USP3: variants seen among roughly 807,000 people sequenced by gnomAD.
The protein encoded by USP3 is ubiquitin carboxyl-terminal hydrolase 3.
Under a neutral mutation model 72.3 loss-of-function variants are expected in USP3, and 20 were observed. The ratio of observed to expected loss-of-function variants is 0.28; its 90% CI spans 0.19 to 0.40. USP3 has a LOEUF of 0.40. Ranked by LOEUF, USP3 falls within the 10% of genes least tolerant of loss-of-function variation. USP3 has a pLI of 1.00. For missense variants in USP3, 479 were observed against 633.9 expected (o/e 0.76, Z 2.62); for synonymous variants, 222 against 225.3 (o/e 0.99, Z 0.13).
chr15:63,555,105 T>TA (rs2066489634), intron 4 of USP3, among the ~76,000 whole-genome samples: 1 of 152,170 alleles, frequency 6.6e-6, no homozygotes, highest in Non-Finnish European at 1.5e-5. Context: ...TTTATACAGT[T>TA]AAAAAATCTT....
chr15:63,571,467 TC>T (rs1450748885), intron 9 of USP3, among the ~76,000 whole-genome samples: 3 of 152,224 alleles, frequency 2.0e-5, no homozygotes, highest in African/African-American at 4.8e-5. Context: ...TGATTGTCCC[TC>T]TAGGTCCTAG....
chr15:63,514,532 CAG>C (rs1442598050), intron 1 of USP3, among the ~76,000 whole-genome samples: 2 of 152,126 alleles, frequency 1.3e-5, no homozygotes. Flanking sequence ...AAGAGTTTCC[CAG>C]TAAGTACAAG....
intron 11 of USP3, among the ~76,000 whole-genome samples, chr15:63,576,466 GT>G (rs1180455168): frequency 1.3e-5 from 2 of 152,100 alleles, no homozygotes; most frequent in African/African-American, 2.4e-5. Flanking sequence ...TAACATTTCA[GT>G]TACGACTTAT....
rs942188776 is a variant in USP3 at position 63,528,204 on chromosome 15, A to T, written c.92-4443A>T. On this transcript the variant is annotated intron_variant, in intron 1 of 14. Transcript: ENST00000380324. The surrounding 1 kb of genome is among the most constrained non-coding windows in gnomAD (Gnocchi z 4.3). ...AGTCAGGGTTGGAAGAATCCAAGTA[A>T]ACCGAAGAAATTTGCTGGAGGACGG... 6.6e-6 allele frequency: 1 copy of T among 152,242 alleles called. No homozygotes were observed. The highest frequency in any genetic ancestry group is 1.5e-5 in the Non-Finnish European group (1 of 68,048). 9.4% of individuals were successfully genotyped at this position (152,242 alleles called of 1,614,324 possible).
intron 3 of USP3, 71 bp downstream of exon 3, chr15:63,537,227 C>T: frequency 6.5e-7 from 1 of 1,529,082 alleles, no homozygotes; most frequent in South Asian, 1.3e-5. Context: ...TCCCTTCCCT[C>T]AGTCTCTAAG....
Position 63,588,288 on chromosome 15 carries a change from A to G in USP3, c.1097-17A>G. ...AAAGGCATCTTGTTTTAATGCTGCC[A>G]AAATCAATTTGTTTAGATTGTCTTC... On this transcript the variant is annotated splice_polypyrimidine_tract_variant and intron_variant, in intron 11 of 14. Coordinates refer to ENST00000380324, the MANE Select transcript of USP3 (RefSeq NM_006537.4). This position sits in a 1 kb window ranked among gnomAD's most constrained non-coding sequence, Gnocchi z 4.6. 1 of 1,575,490 alleles carries G rather than the reference A, an allele frequency of 6.3e-7. No individual in the cohort carries two copies. Among genetic ancestry groups the G allele is most frequent in the Middle Eastern group, 1.7e-4 (1 of 5,794 alleles).
intron 11 of USP3, among the ~76,000 whole-genome samples, chr15:63,579,030 G>T (rs2066911586): frequency 6.6e-6 from 1 of 152,034 alleles, no homozygotes; most frequent in African/African-American, 2.4e-5. Flanking sequence ...TTATAAACAT[G>T]GAGCTAAAAA....
intron 2 of USP3, among the ~76,000 whole-genome samples, chr15:63,534,210 C>T (rs967018844): frequency 6.6e-6 from 1 of 152,072 alleles, no homozygotes; most frequent in Admixed American, 6.5e-5. Flanking sequence ...TTCAGAATAG[C>T]CTGAATTTGG....
chr15:63,570,357 C>G lies in USP3; in HGVS notation c.762-76C>G. 1 of 1,599,554 alleles carries G rather than the reference C, an allele frequency of 6.3e-7. No homozygotes were observed. Among genetic ancestry groups the G allele is most frequent in the South Asian group, 1.1e-5 (1 of 89,678 alleles). On this transcript the variant is annotated intron_variant, in intron 8 of 14. Coordinates refer to ENST00000380324, the MANE Select transcript of USP3 (RefSeq NM_006537.4). The surrounding 1 kb of genome is among the most constrained non-coding windows in gnomAD (Gnocchi z 4.4). ...ACGGGGCTGCCGTCCTTTTCCACGC[C>G]TTGGCCTCTTGCTGGTGTGGCTGGG...
chr15:63,571,113 C>T (rs1489446999), intron 9 of USP3, among the ~76,000 whole-genome samples: 1 of 152,160 alleles, frequency 6.6e-6, no homozygotes, highest in Admixed American at 6.5e-5. Flanking sequence ...TTCCCATGTA[C>T]TAGCAGCCCC....
At chr15:63,573,963 C>A in intron 9 of USP3, 83 bp from the exon 10 acceptor site, 1 of 904,844 alleles carries the variant, frequency 1.1e-6, no homozygotes, top group Non-Finnish European at 1.6e-6. Context: ...TCTGTAGGGG[C>A]TTTAACAAAT....
chr15:63,529,295 C>T lies in USP3; in HGVS notation c.92-3352C>T, dbSNP rs1005431911. Reference sequence around the variant, plus strand: ...CTTTTACTTTCTCTCCTTATCATTACGTATCTGTCTGTCTAATTGATGCAC... The same window carrying T: ...CTTTTACTTTCTCTCCTTATCATTATGTATCTGTCTGTCTAATTGATGCAC... On this transcript the variant is annotated intron_variant, in intron 1 of 14. Transcript: ENST00000380324. This position sits in a 1 kb window ranked among gnomAD's most constrained non-coding sequence, Gnocchi z 4.2. The T allele has an allele frequency of 1.1e-5, 4 of 365,800 alleles. No individual in the cohort carries two copies. The highest frequency in any genetic ancestry group is 2.1e-5 in the African/African-American group (1 of 46,606). The allele number at this position is 365,800 out of a possible 1,614,324, so 22.7% of individuals were successfully genotyped here.
intron 8 of USP3, among the ~76,000 whole-genome samples, chr15:63,563,324 T>C (rs891594952): frequency 6.6e-6 from 1 of 152,242 alleles, no homozygotes; most frequent in African/African-American, 2.4e-5. Context: ...TTTCACAATG[T>C]AGAATAATTA....
intron 1 of USP3, among the ~76,000 whole-genome samples, chr15:63,506,286 T>C (rs2065711883): frequency 1.3e-5 from 2 of 152,116 alleles, no homozygotes; most frequent in Admixed American, 6.5e-5. Flanking sequence ...ACAAATTGGT[T>C]GGTGGTGGTA....
chr15:63,509,275 ATACT>A (rs1299750058), intron 1 of USP3, among the ~76,000 whole-genome samples: 1 of 152,198 alleles, frequency 6.6e-6, no homozygotes, highest in Non-Finnish European at 1.5e-5. Context: ...TAAGTGCCTA[ATACT>A]TAATAGAGCA....
chr15:63,505,466 G>C (rs11636270), intron 1 of USP3, among the ~76,000 whole-genome samples: 24,201 of 152,258 alleles, frequency 0.16, 2,080 homozygotes, highest in Admixed American at 0.2. Context: ...TTGAAAACAG[G>C]CTGCGGGCTG....
rs4984250 is a variant in USP3, at chr15:63,574,635, A to T, written c.1096+232A>T. Among the ~76,000 whole-genome samples the T allele has an allele frequency of 0.7, 106,875 of 152,114 alleles. 38,968 individuals carry two copies. Among genetic ancestry groups the T allele is most frequent in the African/African-American group, 0.8 (33,120 of 41,488 alleles). ...ATATTTCTCACCTTTTTCTTCTTTG[A>T]AATACTGACTTTAAAATAGAAGGTC... On this transcript the variant is annotated intron_variant, in intron 11 of 14. Coordinates refer to ENST00000380324, the MANE Select transcript of USP3 (RefSeq NM_006537.4). This position sits in a 1 kb window ranked among gnomAD's most constrained non-coding sequence, Gnocchi z 4.6.
intron 1 of USP3, among the ~76,000 whole-genome samples, chr15:63,526,932 T>A (rs2065990872): frequency 6.6e-6 from 1 of 152,242 alleles, no homozygotes. Flanking sequence ...TCTTGCTTTG[T>A]CGCCCAGACT....
intron 2 of USP3, among the ~76,000 whole-genome samples, chr15:63,535,127 C>T (rs2066136917): frequency 6.6e-6 from 1 of 152,070 alleles, no homozygotes. Context: ...GATGGGGTTT[C>T]ACCATGTTGG....
Sources: allele counts gnomAD v4.1 joint callset (sites outside exome capture counted in the v4.1 genomes callset), GRCh38; gene constraint gnomAD v4.1.1; non-coding constraint Gnocchi (gnomAD v3.1); transcripts MANE v1.5; gene names NCBI Gene and HGNC (gene_info 2026-07-23, HGNC 2026-07-21).